TMTC1: variants seen among roughly 807,000 people sequenced by gnomAD.
TMTC1 encodes transmembrane O-mannosyltransferase targeting cadherins 1, also known as protein O-mannosyl-transferase TMTC1.
TMTC1 carries 73 observed loss-of-function variants against 104.8 expected under a neutral mutation model. The observed-to-expected ratio is 0.70, with a 90% confidence interval of 0.58 to 0.85. The LOEUF is 0.85. Ranked by LOEUF, TMTC1 falls within the 40% of genes least tolerant of loss-of-function variation. The pLI is 0.00. For missense variants in TMTC1, 1,035 were observed against 1,096.1 expected (o/e 0.94, Z 0.79); for synonymous variants, 434 against 428.7 (o/e 1.01, Z -0.15).
At chr12:29,695,830 A>AC (rs1377957192) in intron 5 of TMTC1, among the ~76,000 whole-genome samples, 8 of 66,010 alleles carry the variant, frequency 1.2e-4, no homozygotes, top group Non-Finnish European at 2.5e-4. Context: ...TATATATATA[A>AC]CCTGTCTTCA....
intron 5 of TMTC1, among the ~76,000 whole-genome samples, chr12:29,636,696 T>C (rs544171545): frequency 4.6e-5 from 7 of 152,092 alleles, no homozygotes; most frequent in Admixed American, 4.6e-4. Context: ...TGCGTGCCTG[T>C]ATTCCCAGCT....
At chr12:29,676,547 G>A (rs1459945024) in intron 5 of TMTC1, among the ~76,000 whole-genome samples, 1 of 152,168 alleles carries the variant, frequency 6.6e-6, no homozygotes, top group Non-Finnish European at 1.5e-5. Context: ...GCTCAAGTAG[G>A]AAACCTGATG....
At chr12:29,616,707 G>T (rs1279800402) in intron 6 of TMTC1, among the ~76,000 whole-genome samples, 1 of 148,948 alleles carries the variant, frequency 6.7e-6, no homozygotes, top group Non-Finnish European at 1.5e-5. Flanking sequence ...CTGCTGTTCA[G>T]CCCTTTGTAG....
Position 29,758,730 on chromosome 12 carries a change from A to T in TMTC1, c.528T>A (p.Phe176Leu). 6.2e-7 allele frequency: 1 copy of T among 1,613,828 alleles called. No individual in the cohort carries two copies. The highest frequency in any genetic ancestry group is 1.1e-5 in the South Asian group (1 of 91,032). Residue 176 changes from phenylalanine (F) to leucine (L), a missense_variant, in exon 3 of 18, where the codon TTT (phenylalanine) becomes TTA (leucine). Phe to Leu is a conservative substitution (Grantham distance 22, BLOSUM62 0). Coordinates refer to ENST00000539277, the MANE Select transcript of TMTC1 (RefSeq NM_001193451.2). The part of the protein sequence containing the change: ...GRADVLACLL[F>L]LLAFLSYNRS... ...TGTTGTACGAGAGAAAGGCCAATAG[A>T]AACAGCAGACACGCTAACACGTCCG... is the stretch of plus-strand genomic sequence containing the variant.
At chr12:29,760,910 T>C (rs1404344498) in intron 2 of TMTC1, among the ~76,000 whole-genome samples, 1 of 148,192 alleles carries the variant, frequency 6.7e-6, no homozygotes, top group Non-Finnish European at 1.5e-5. Context: ...ATGCATATAT[T>C]ATATTTTCTA....
chr12:29,610,400 T>C (rs1447397702), intron 6 of TMTC1, among the ~76,000 whole-genome samples: 1 of 152,214 alleles, frequency 6.6e-6, no homozygotes, highest in Non-Finnish European at 1.5e-5. Context: ...AGAGCTCTGT[T>C]ATCTGGCAAA....
chr12:29,543,869 T>C (rs1431165595), intron 10 of TMTC1, among the ~76,000 whole-genome samples: 1 of 152,194 alleles, frequency 6.6e-6, no homozygotes, highest in Non-Finnish European at 1.5e-5. Context: ...TTCACCCTAA[T>C]TTTTCTGCTT....
intron 7 of TMTC1, among the ~76,000 whole-genome samples, chr12:29,586,245 T>C (rs1460799063): frequency 1.3e-5 from 2 of 152,062 alleles, no homozygotes; most frequent in Admixed American, 6.6e-5. Context: ...CTGTCTGTTA[T>C]TGGTGTATAA....
At chr12:29,610,504 T>G (rs1216860131) in intron 6 of TMTC1, among the ~76,000 whole-genome samples, 2 of 152,238 alleles carry the variant, frequency 1.3e-5, no homozygotes, top group Non-Finnish European at 2.9e-5. Flanking sequence ...CCACTTCTTA[T>G]GACTCAAACA....
At chr12:29,695,633 T>C (rs967936973) in intron 5 of TMTC1, among the ~76,000 whole-genome samples, 1 of 151,994 alleles carries the variant, frequency 6.6e-6, no homozygotes, top group African/African-American at 2.4e-5. Context: ...GATTTGGATA[T>C]GGATCTTTTG....
rs1000960194 is a variant in TMTC1 at position 29,506,714 on chromosome 12, A to T, written c.*132T>A. ...ACTGGGCTACCAGCAGATGTCCCAAAATGTGTCACCCTGAACTCGGAATGA... is the reference window on the plus strand; with the variant it reads ...ACTGGGCTACCAGCAGATGTCCCAATATGTGTCACCCTGAACTCGGAATGA... On this transcript the variant is annotated 3_prime_UTR_variant, in exon 18 of 18. Coordinates refer to ENST00000539277, the MANE Select transcript of TMTC1 (RefSeq NM_001193451.2). The T allele has an allele frequency of 1.8e-5, 22 of 1,216,636 alleles. No individual in the cohort carries two copies. Among genetic ancestry groups the T allele is most frequent in the Middle Eastern group, 2.9e-4 (1 of 3,466 alleles). 75.4% of individuals were successfully genotyped at this position (1,216,636 alleles called of 1,614,324 possible).
chr12:29,597,906 A>C (rs1019101164), intron 7 of TMTC1, among the ~76,000 whole-genome samples: 3 of 152,196 alleles, frequency 2.0e-5, no homozygotes, highest in Non-Finnish European at 2.9e-5. Context: ...AGGAAAGATA[A>C]AATTTCATAG....
intron 16 of TMTC1, 26 bp downstream of exon 16, chr12:29,514,456 G>C: frequency 6.3e-7 from 1 of 1,590,690 alleles, no homozygotes; most frequent in South Asian, 1.1e-5. Context: ...TGAATTTGAT[G>C]ATATAATTTT....
chr12:29,622,382 A>G lies in TMTC1; in HGVS notation c.1128+10765T>C, dbSNP rs551227477. On this transcript the variant is annotated intron_variant, in intron 6 of 17. Transcript: ENST00000539277. ...TAGAGAACACAGGAAATTGGGAACTATAAAGAATAGGACTGACTAATAGTA... is the reference window on the plus strand; with the variant it reads ...TAGAGAACACAGGAAATTGGGAACTGTAAAGAATAGGACTGACTAATAGTA... Among the ~76,000 whole-genome samples, 130 of 152,338 alleles carry G rather than the reference A, an allele frequency of 8.5e-4. 4 individuals carry two copies. In the South Asian group the frequency reaches 0.025, roughly 30 times the overall value.
chr12:29,664,048 G>A (rs930651367), intron 5 of TMTC1, among the ~76,000 whole-genome samples: 8 of 150,522 alleles, frequency 5.3e-5, no homozygotes, highest in Admixed American at 1.3e-4. Flanking sequence ...TTAGCCGGGC[G>A]TAGTGGCGGG....
intron 7 of TMTC1, among the ~76,000 whole-genome samples, chr12:29,602,552 G>C (rs750283379): frequency 5.3e-5 from 8 of 152,204 alleles, no homozygotes; most frequent in African/African-American, 9.7e-5. Context: ...GTTTAAGCCA[G>C]AGTTTGAATG....
chr12:29,619,501 A>G (rs1947073957), intron 6 of TMTC1, among the ~76,000 whole-genome samples: 2 of 152,356 alleles, frequency 1.3e-5, no homozygotes, highest in Admixed American at 6.5e-5. Flanking sequence ...GTAGCTGCTG[A>G]ACAAAGGGTT....
chr12:29,759,785 A>G (rs1359839275), intron 2 of TMTC1, among the ~76,000 whole-genome samples: 1 of 152,196 alleles, frequency 6.6e-6, no homozygotes, highest in Admixed American at 6.5e-5. Context: ...TGCTTATAAA[A>G]TGACAGTCAA....
At chr12:29,633,866 G>C (rs1161635567) in intron 5 of TMTC1, among the ~76,000 whole-genome samples, 1 of 152,208 alleles carries the variant, frequency 6.6e-6, no homozygotes, top group African/African-American at 2.4e-5. Context: ...AATGGATGGA[G>C]GAGGTGTTAT....
Sources: allele counts gnomAD v4.1 joint callset (sites outside exome capture counted in the v4.1 genomes callset), GRCh38; gene constraint gnomAD v4.1.1; transcripts MANE v1.5; gene names NCBI Gene and HGNC (gene_info 2026-07-23, HGNC 2026-07-21).